TMC2: variants seen among roughly 807,000 people sequenced by gnomAD.
TMC2 encodes transmembrane channel like 2.
In TMC2, 102 loss-of-function variants were observed where a neutral mutation model predicts 105.9. The ratio of observed to expected loss-of-function variants is 0.96; its 90% CI spans 0.82 to 1.14. The LOEUF is 1.14. TMC2 is among the 50% of genes most tolerant of loss of function. The pLI is 0.00. For synonymous variants in TMC2, 402 were observed against 422.8 expected, an observed-to-expected ratio of 0.95 and a Z score of 0.60; for missense variants, 1,093 against 1,134.3, an observed-to-expected ratio of 0.96 and a Z score of 0.52.
At chr20:2,555,982 T>C (rs1201187582) in intron 2 of TMC2, among the ~76,000 whole-genome samples, 1 of 152,238 alleles carries the variant, frequency 6.6e-6, no homozygotes, top group South Asian at 2.1e-4. Context: ...ATTTAGCTTA[T>C]CCATAAGCTA....
chr20:2,616,954 T>TCC lies in TMC2; in HGVS notation c.1941-118_1941-117insCC, dbSNP rs1318876257. On this transcript the variant is annotated intron_variant, in intron 15 of 19. Coordinates refer to ENST00000358864, the MANE Select transcript of TMC2 (RefSeq NM_080751.3). This position sits in a 1 kb window ranked among gnomAD's most constrained non-coding sequence, Gnocchi z 4.8. The stretch of plus-strand genomic sequence containing the variant: ...ATGGGAGGCCCCTTACCTGGGGACT[T>TCC]GCCAGGAAAGCAGCTCGGCCTCATG... 8.2e-7 allele frequency: 1 copy of TCC among 1,216,836 alleles called. No individual in the cohort carries two copies. Among genetic ancestry groups the TCC allele is most frequent in the East Asian group, 2.4e-5 (1 of 41,360 alleles). 75.4% of individuals were successfully genotyped at this position (1,216,836 alleles called of 1,614,324 possible).
chr20:2,546,285 C>T (rs2085925735), intron 2 of TMC2, among the ~76,000 whole-genome samples: 1 of 152,096 alleles, frequency 6.6e-6, no homozygotes, highest in Admixed American at 6.6e-5. Flanking sequence ...AAAATGTGCA[C>T]CCTAGACAGT....
chr20:2,630,944 T>G (rs1030973474), intron 17 of TMC2, among the ~76,000 whole-genome samples: 4 of 152,254 alleles, frequency 2.6e-5, no homozygotes, highest in Non-Finnish European at 5.9e-5. Flanking sequence ...CATTTACATT[T>G]AATTACCAAT....
intron 9 of TMC2, 82 bp from the exon 10 acceptor site, chr20:2,597,069 C>A: frequency 2.0e-6 from 3 of 1,502,186 alleles, no homozygotes; most frequent in Non-Finnish European, 2.7e-6. Context: ...TACCTGTGTC[C>A]GAGACTGGCT....
At chr20:2,551,368 CAT>C (rs2085955766) in intron 2 of TMC2, among the ~76,000 whole-genome samples, 1 of 148,122 alleles carries the variant, frequency 6.8e-6, no homozygotes, top group Non-Finnish European at 1.5e-5. Context: ...TTGTCAGATA[CAT>C]GTTTTGCAAA....
At chr20:2,586,600 A>G (rs114864364) in intron 7 of TMC2, among the ~76,000 whole-genome samples, 1,905 of 152,284 alleles carry the variant, frequency 0.013, 52 homozygotes, top group African/African-American at 0.043. Flanking sequence ...CAAGAGAGTG[A>G]TTGGGAGAGG....
At chr20:2,583,002 CT>C (rs1240927675) in intron 7 of TMC2, among the ~76,000 whole-genome samples, 2 of 152,180 alleles carry the variant, frequency 1.3e-5, no homozygotes, top group African/African-American at 4.8e-5. Flanking sequence ...AGTTTATGTA[CT>C]TCTCTTCCAA....
intron 7 of TMC2, among the ~76,000 whole-genome samples, chr20:2,591,086 T>C (rs2086264771): frequency 1.1e-5 from 1 of 92,922 alleles, no homozygotes; most frequent in Non-Finnish European, 2.3e-5. Context: ...CCATTTCTGA[T>C]TTTTTTTACA....
chr20:2,536,935 G>C (rs1018459388), intron 1 of TMC2, among the ~76,000 whole-genome samples: 2 of 152,130 alleles, frequency 1.3e-5, no homozygotes, highest in East Asian at 3.9e-4. Context: ...AGACTGTCAC[G>C]GCCGATGCAT....
rs573707670 is a variant in TMC2 at position 2,549,518 on chromosome 20, G to A, written c.83-8938G>A. On this transcript the variant is annotated intron_variant, in intron 2 of 19. Transcript: ENST00000358864. ...AGCACTTTGGGAGGCCAAGGCGGGCGGATCACTTGAGGTCAGGAGTTTGAG... is the reference window on the plus strand; with the variant it reads ...AGCACTTTGGGAGGCCAAGGCGGGCAGATCACTTGAGGTCAGGAGTTTGAG... Among the ~76,000 whole-genome samples, 7 of 152,186 alleles carry A rather than the reference G, an allele frequency of 4.6e-5. No homozygotes were observed. In the East Asian group the frequency reaches 5.8e-4, roughly 13 times the overall value.
At chr20:2,564,302 C>G (rs1349441220) in intron 4 of TMC2, among the ~76,000 whole-genome samples, 1 of 152,078 alleles carries the variant, frequency 6.6e-6, no homozygotes, top group Admixed American at 6.5e-5. Context: ...AGGCGCCCAC[C>G]ACCGTGCCCA....
intron 16 of TMC2, among the ~76,000 whole-genome samples, chr20:2,618,628 T>A (rs1377032387): frequency 6.6e-6 from 1 of 152,182 alleles, no homozygotes; most frequent in African/African-American, 2.4e-5. Flanking sequence ...GGAGACTAGA[T>A]ATTGTATAAA....
intron 4 of TMC2, 28 bp downstream of exon 4, chr20:2,562,038 C>A: frequency 1.2e-6 from 2 of 1,604,354 alleles, no homozygotes; most frequent in African/African-American, 2.7e-5. Context: ...CAGCCAGGGC[C>A]TTCCGATGTC....
chr20:2,580,462 A>G (rs1036591920), intron 7 of TMC2, among the ~76,000 whole-genome samples: 1 of 152,178 alleles, frequency 6.6e-6, no homozygotes, highest in African/African-American at 2.4e-5. Flanking sequence ...TTAATGTTTC[A>G]ATGAGTTTTT....
chr20:2,546,481 G>C (rs2085926792), intron 2 of TMC2, among the ~76,000 whole-genome samples: 2 of 40,518 alleles, frequency 4.9e-5, no homozygotes, highest in South Asian at 1.7e-3. Context: ...GTAACCTGCA[G>C]AGTTGGGCAT....
intron 17 of TMC2, among the ~76,000 whole-genome samples, chr20:2,632,801 G>C (rs1665637684): frequency 6.6e-6 from 1 of 152,170 alleles, no homozygotes; most frequent in South Asian, 2.1e-4. Context: ...ATGTTGGCCA[G>C]GCTGGTCTCG....
At chr20:2,636,951 G>A (rs2086651288) in intron 18 of TMC2, among the ~76,000 whole-genome samples, 1 of 152,210 alleles carries the variant, frequency 6.6e-6, no homozygotes, top group South Asian at 2.1e-4. Context: ...CCCAGGTACA[G>A]AAAACCACTG....
At chr20:2,556,423 T>C (rs1352892090) in intron 2 of TMC2, among the ~76,000 whole-genome samples, 1 of 152,184 alleles carries the variant, frequency 6.6e-6, no homozygotes, top group African/African-American at 2.4e-5. Flanking sequence ...TTCCTTTATG[T>C]AAATCCAAGT....
intron 17 of TMC2, among the ~76,000 whole-genome samples, chr20:2,633,970 T>C (rs778465774): frequency 2.0e-5 from 3 of 152,278 alleles, no homozygotes; most frequent in Admixed American, 6.5e-5. Context: ...TTGCCAATTT[T>C]GCTGACATCT....
Sources: gnomAD v4.1 joint callset for allele counts (sites outside exome capture counted in the v4.1 genomes callset) on GRCh38, gnomAD v4.1.1 for gene constraint, Gnocchi (gnomAD v3.1) non-coding constraint, MANE v1.5 for transcripts, NCBI Gene and HGNC (gene_info 2026-07-23, HGNC 2026-07-21) for gene names.